FOXK1: variants seen among roughly 807,000 people sequenced by gnomAD.
FOXK1 encodes forkhead box K1, also known as forkhead box protein K1.
In FOXK1, 19 loss-of-function variants were observed where a neutral mutation model predicts 51.9. The observed-to-expected ratio is 0.37, with a 90% CI of 0.26 to 0.54. The LOEUF (loss-of-function observed/expected upper bound fraction) is 0.54, where lower values mean the gene tolerates loss of function less well. FOXK1 is among the 20% of genes least tolerant of loss of function. The pLI, the probability that FOXK1 is intolerant of heterozygous loss-of-function variation, is 0.87. For synonymous variants in FOXK1, 537 were observed against 482.6 expected (o/e 1.11, Z -1.48); for missense variants, 870 against 1,032.7 (o/e 0.84, Z 2.16).
chr7:4,726,327 C>A (rs1371479986), intron 1 of FOXK1, among the ~76,000 whole-genome samples: 3 of 152,108 alleles, frequency 2.0e-5, no homozygotes, highest in African/African-American at 7.2e-5. Context: ...CTGGCAGGCC[C>A]CTCCTGGATT....
rs79990031 is a variant in FOXK1 at position 4,731,073 on chromosome 7, C to T, written c.561-9765C>T. ...GTTTAAGCAAACACTGCAGGGCCTC[C>T]GGCATTCCAGTTTCAGGCCTTATCT... On this transcript the variant is annotated intron_variant, in intron 1 of 8. Coordinates refer to ENST00000328914, the MANE Select transcript of FOXK1 (RefSeq NM_001037165.2). This position sits in a 1 kb window ranked among gnomAD's most constrained non-coding sequence, Gnocchi z 5.3. 0.013 allele frequency among the ~76,000 whole-genome samples: 1,929 copies of T among 152,312 alleles called. 45 individuals are homozygous for T. The highest frequency in any genetic ancestry group is 0.045 in the African/African-American group (1,855 of 41,564).
At chr7:4,688,399 T>C (rs548113001) in intron 1 of FOXK1, among the ~76,000 whole-genome samples, 19 of 151,226 alleles carry the variant, frequency 1.3e-4, no homozygotes, top group Non-Finnish European at 1.9e-4. Flanking sequence ...CTTTTCTTTT[T>C]TTTATTTTTA....
chr7:4,700,669 A>C (rs530060442), intron 1 of FOXK1, among the ~76,000 whole-genome samples: 3 of 152,212 alleles, frequency 2.0e-5, no homozygotes, highest in East Asian at 3.9e-4. Flanking sequence ...TACAAAAATT[A>C]GCCAGGTGTG....
rs537666828 is a variant in FOXK1 at position 4,732,594 on chromosome 7, G to A, written c.561-8244G>A. On this transcript the variant is annotated intron_variant, in intron 1 of 8. Coordinates refer to ENST00000328914, the MANE Select transcript of FOXK1 (RefSeq NM_001037165.2). Reference sequence around the variant, plus strand: ...CAGGCGTGAACCACCGTGGGATTACGGGCATGAGCCACCGCGCCAGCCAAT... The same window carrying A: ...CAGGCGTGAACCACCGTGGGATTACAGGCATGAGCCACCGCGCCAGCCAAT... Among the ~76,000 whole-genome samples, 9 of 152,256 alleles carry A rather than the reference G, an allele frequency of 5.9e-5. No individual in the cohort carries two copies. In the East Asian group the frequency reaches 9.7e-4, roughly 16 times the overall value.
chr7:4,728,080 A>G (rs1780403439), intron 1 of FOXK1, among the ~76,000 whole-genome samples: 1 of 152,170 alleles, frequency 6.6e-6, no homozygotes, highest in African/African-American at 2.4e-5. Flanking sequence ...GACAGCAACC[A>G]GGGGACTGCC....
rs114751122 is a variant in FOXK1, at chr7:4,747,252, C to T, written c.746+6229C>T. ...GGCTTCTGTGCGGGCATGTTACGCA[C>T]GAGGACAGCCCTTTCCGGGTTCCAT... On this transcript the variant is annotated intron_variant, in intron 2 of 8. Transcript: ENST00000328914. The surrounding 1 kb of genome is among the most constrained non-coding windows in gnomAD (Gnocchi z 9.2). Among the ~76,000 whole-genome samples, 3,129 of 151,832 alleles carry T rather than the reference C, an allele frequency of 0.021. 124 individuals are homozygous for T. The highest frequency in any genetic ancestry group is 0.071 in the African/African-American group (2,961 of 41,470).
rs1018384827 is a variant in FOXK1, at chr7:4,747,135, C to T, written c.746+6112C>T. 2.6e-5 allele frequency among the ~76,000 whole-genome samples: 4 copies of T among 152,300 alleles called. No individual in the cohort carries two copies. Among genetic ancestry groups the T allele is most frequent in the African/African-American group, 7.2e-5 (3 of 41,568 alleles). On this transcript the variant is annotated intron_variant, in intron 2 of 8. Transcript: ENST00000328914. The surrounding 1 kb of genome is among the most constrained non-coding windows in gnomAD (Gnocchi z 9.2). ...TCTGTTGAAAGGACATCCCCACGCC[C>T]GCGTTTCCTGTAATCTCGGAGGGTC... is the stretch of plus-strand genomic sequence containing the variant.
chr7:4,759,617 G>A, intron 7 of FOXK1, 22 bp downstream of exon 7: 1 of 1,525,762 alleles, frequency 6.6e-7, no homozygotes, highest in South Asian at 1.2e-5. Context: ...GCGGCTGGCA[G>A]CCTTCGCAGG....
chr7:4,708,119 C>T (rs551168780), intron 1 of FOXK1, among the ~76,000 whole-genome samples: 33 of 152,240 alleles, frequency 2.2e-4, no homozygotes, highest in African/African-American at 7.7e-4. Flanking sequence ...GAACCCGCCC[C>T]GCCCTCCAGG....
chr7:4,721,283 C>A (rs1388374218), intron 1 of FOXK1, among the ~76,000 whole-genome samples: 1 of 152,118 alleles, frequency 6.6e-6, no homozygotes, highest in African/African-American at 2.4e-5. Flanking sequence ...GCCTTGGAAA[C>A]CCCCCGGAGC....
chr7:4,706,053 T>TAC lies in FOXK1; in HGVS notation c.560+23185_560+23186insAC, dbSNP rs1469959937. On this transcript the variant is annotated intron_variant, in intron 1 of 8. Coordinates refer to ENST00000328914, the MANE Select transcript of FOXK1 (RefSeq NM_001037165.2). ...ATATACGTGTATATACGTGTATATA[T>TAC]GTATATATATGTGTATATATGTATA... Among the ~76,000 whole-genome samples the TAC allele has an allele frequency of 8.5e-4, 106 of 124,932 alleles. 3 individuals are homozygous for TAC. In the East Asian group the frequency reaches 8.6e-3, roughly 10 times the overall value. 82.0% of individuals were successfully genotyped at this position (124,932 alleles called of 152,430 possible).
Position 4,761,421 on chromosome 7 carries a change from TC to T in FOXK1, c.1921+135del. On this transcript the variant is annotated intron_variant, in intron 8 of 8. Coordinates refer to ENST00000328914, the MANE Select transcript of FOXK1 (RefSeq NM_001037165.2). The surrounding 1 kb of genome is among the most constrained non-coding windows in gnomAD (Gnocchi z 6.2). ...TCAATTTATTGAGCACCTGCTATAC[TC>T]CAGGCACTGGGGTAATGCAAAGAAA... 1 of 929,036 alleles carries T rather than the reference TC, an allele frequency of 1.1e-6. No homozygotes were observed. The highest frequency in any genetic ancestry group is 1.6e-6 in the Non-Finnish European group (1 of 616,088). 57.5% of individuals were successfully genotyped at this position (929,036 alleles called of 1,614,324 possible).
intron 1 of FOXK1, among the ~76,000 whole-genome samples, chr7:4,737,439 CGT>C (rs77360178): frequency 0.17 from 25,106 of 150,004 alleles, 2,835 homozygotes; most frequent in East Asian, 0.45. Flanking sequence ...TGTGTGCATG[CGT>C]GTGTGTGCGT....
chr7:4,692,521 G>C (rs1167125609), intron 1 of FOXK1, among the ~76,000 whole-genome samples: 1 of 149,736 alleles, frequency 6.7e-6, no homozygotes, highest in Non-Finnish European at 1.5e-5. Context: ...TCAGCCTCCC[G>C]AGTAGCTGGG....
In FOXK1 at chr7:4,756,714, G is replaced by A. The variant is rs930929384; in HGVS notation, c.1051-280G>A. ...CGGGAGGCGGAACTTGCAGTGAGCC[G>A]AGATCGTGCCACTGCACTCCATCCT... On this transcript the variant is annotated intron_variant, in intron 4 of 8. Coordinates refer to ENST00000328914, the MANE Select transcript of FOXK1 (RefSeq NM_001037165.2). The surrounding 1 kb of genome is among the most constrained non-coding windows in gnomAD (Gnocchi z 4.1). 2.0e-5 allele frequency among the ~76,000 whole-genome samples: 3 copies of A among 151,456 alleles called. No homozygotes were observed. Among genetic ancestry groups the A allele is most frequent in the African/African-American group, 7.3e-5 (3 of 41,194 alleles).
In FOXK1 at chr7:4,735,170, G is replaced by C. The variant is rs571794971; in HGVS notation, c.561-5668G>C. Among the ~76,000 whole-genome samples the C allele has an allele frequency of 6.6e-6, 1 of 152,076 alleles. No homozygotes were observed. The highest frequency in any genetic ancestry group is 1.5e-5 in the Non-Finnish European group (1 of 68,018). On this transcript the variant is annotated intron_variant, in intron 1 of 8. Transcript: ENST00000328914. The surrounding 1 kb of genome is among the most constrained non-coding windows in gnomAD (Gnocchi z 4.7). The stretch of plus-strand genomic sequence containing the variant: ...GTGGAGCGGTGGCCAGTTCCAGCTC[G>C]CTGTGTAGAGACGGCTCTGTGGTCT...
intron 1 of FOXK1, among the ~76,000 whole-genome samples, chr7:4,690,209 C>T (rs778085591): frequency 2.6e-5 from 4 of 152,054 alleles, no homozygotes; most frequent in Non-Finnish European, 4.4e-5. Flanking sequence ...AGGAATGTTC[C>T]CGTTGGGTGA....
chr7:4,688,464 T>A (rs1779848788), intron 1 of FOXK1, among the ~76,000 whole-genome samples: 1 of 151,722 alleles, frequency 6.6e-6, no homozygotes, highest in African/African-American at 2.4e-5. Context: ...GCAGTGGCAC[T>A]ATCTTGGCTC....
At chr7:4,716,690 G>C (rs1780239394) in intron 1 of FOXK1, among the ~76,000 whole-genome samples, 1 of 152,242 alleles carries the variant, frequency 6.6e-6, no homozygotes, top group African/African-American at 2.4e-5. Context: ...ACAGAGGCCA[G>C]TGAGGGCACA....
Sources: allele counts gnomAD v4.1 joint callset (sites outside exome capture counted in the v4.1 genomes callset), GRCh38; gene constraint gnomAD v4.1.1; non-coding constraint Gnocchi (gnomAD v3.1); transcripts MANE v1.5; gene names NCBI Gene and HGNC (gene_info 2026-07-23, HGNC 2026-07-21).